PRKCA: variants seen among roughly 807,000 people sequenced by gnomAD.
PRKCA encodes the protein protein kinase C alpha type.
A neutral mutation model predicts 87.0 loss-of-function variants in PRKCA; 27 were observed. The observed-to-expected ratio is 0.31, with a 90% CI of 0.23 to 0.43. The LOEUF is 0.43. Among genes scored for constraint, PRKCA ranks in the 20% least tolerant of loss-of-function variants. PRKCA has a pLI of 1.00. For synonymous variants in PRKCA, 329 were observed against 311.1 expected (o/e 1.06, Z -0.61); for missense variants, 518 against 852.3 (o/e 0.61, Z 4.88).
chr17:66,337,351 A>G (rs1220242555), intron 2 of PRKCA, among the ~76,000 whole-genome samples: 1 of 152,158 alleles, frequency 6.6e-6, no homozygotes, highest in Non-Finnish European at 1.5e-5. Flanking sequence ...TTTTACAAGC[A>G]AGGAAATCAA....
At chr17:66,368,324 ATGTGTGTGTATATATGTG>A (rs1307849953) in intron 2 of PRKCA, among the ~76,000 whole-genome samples, 6 of 107,866 alleles carry the variant, frequency 5.6e-5, no homozygotes, top group Admixed American at 5.0e-4. Context: ...GTTTATCTAT[ATGTGTGTGTATATATGTG>A]TGTGTGTGTG....
chr17:66,562,789 G>T (rs1244592233), intron 3 of PRKCA, among the ~76,000 whole-genome samples: 1 of 152,042 alleles, frequency 6.6e-6, no homozygotes, highest in African/African-American at 2.4e-5. Flanking sequence ...TAGAGACAGG[G>T]TTTCACCATG....
chr17:66,418,649 G>T (rs1912309322), intron 2 of PRKCA, among the ~76,000 whole-genome samples: 1 of 151,914 alleles, frequency 6.6e-6, no homozygotes, highest in Non-Finnish European at 1.5e-5. Context: ...ATTGGCCAGG[G>T]TGGCCTCGAT....
chr17:66,804,948 G>A lies in PRKCA; in HGVS notation c.*911G>A. ...ACACCAACATTTTGCTGCCTACCTT[G>A]TTATCCTTCTCAAGAAGCTGAAGTG... is the stretch of plus-strand genomic sequence containing the variant. On this transcript the variant is annotated 3_prime_UTR_variant, in exon 17 of 17. Transcript: ENST00000413366. 1.0e-6 allele frequency: 1 copy of A among 974,918 alleles called. No homozygotes were observed. Among genetic ancestry groups the A allele is most frequent in the Non-Finnish European group, 1.2e-6 (1 of 820,154 alleles). The allele number at this position is 974,918 out of a possible 1,614,324, so 60.4% of individuals were successfully genotyped here.
chr17:66,576,740 G>A (rs747934376), intron 3 of PRKCA, among the ~76,000 whole-genome samples: 10 of 152,180 alleles, frequency 6.6e-5, no homozygotes, highest in Non-Finnish European at 1.0e-4. Context: ...GCTGTGGCCT[G>A]TTCCTGTCTC....
At chr17:66,405,566 AC>A (rs1337838680) in intron 2 of PRKCA, among the ~76,000 whole-genome samples, 1 of 152,306 alleles carries the variant, frequency 6.6e-6, no homozygotes, top group East Asian at 1.9e-4. Flanking sequence ...AAAAAAACCA[AC>A]CCTTGTGTAA....
At chr17:66,479,436 G>A (rs1387797175) in intron 2 of PRKCA, among the ~76,000 whole-genome samples, 1 of 152,164 alleles carries the variant, frequency 6.6e-6, no homozygotes, top group African/African-American at 2.4e-5. Context: ...CATTGTGCAA[G>A]ACAGTATGGC....
chr17:66,542,875 TA>T (rs1192065593), intron 3 of PRKCA, among the ~76,000 whole-genome samples: 1 of 152,184 alleles, frequency 6.6e-6, no homozygotes, highest in Non-Finnish European at 1.5e-5. Flanking sequence ...GGAACGAGGG[TA>T]ACATTTTAAA....
Position 66,306,122 on chromosome 17 carries a change from GC to G in PRKCA, c.202del (p.Gln68LysfsTer63). On this transcript the variant is annotated frameshift_variant, in exon 2 of 17. Transcript: ENST00000413366. LOFTEE classifies it high-confidence loss of function. ...IWGFGKQGFQ[C>X]QVCCFVVHKR... is the part of the protein sequence containing the mutation. ...GGGTTTGGGAAACAAGGCTTCCAGT[GC>G]CAAGGTAAGCTACCACTTTTGGTTT... The G allele has an allele frequency of 6.2e-7, 1 of 1,611,992 alleles. No individual in the cohort carries two copies. The highest frequency in any genetic ancestry group is 8.5e-7 in the Non-Finnish European group (1 of 1,179,192).
chr17:66,789,477 G>A lies in PRKCA; in HGVS notation c.1854+498G>A, dbSNP rs61615181. On this transcript the variant is annotated intron_variant, in intron 16 of 16. Coordinates refer to ENST00000413366, the MANE Select transcript of PRKCA (RefSeq NM_002737.3). ...CCTCTTCCACCACTGCCTCCACTGC[G>A]GGGAGTGAGTGTCAGCCACCAATTC... Among the ~76,000 whole-genome samples, 46 of 152,342 alleles carry A rather than the reference G, an allele frequency of 3.0e-4. 1 individual carries two copies. In the East Asian group the frequency reaches 7.3e-3, roughly 24 times the overall value.
chr17:66,488,379 T>C (rs1916079645), intron 2 of PRKCA, among the ~76,000 whole-genome samples: 2 of 152,218 alleles, frequency 1.3e-5, no homozygotes, highest in Admixed American at 1.3e-4. Context: ...ATAGCCTTGC[T>C]GACGCCAAGA....
At chr17:66,333,453 G>T (rs536079917) in intron 2 of PRKCA, among the ~76,000 whole-genome samples, 22 of 152,054 alleles carry the variant, frequency 1.4e-4, no homozygotes, top group Non-Finnish European at 2.8e-4. Context: ...ACTTTATTAG[G>T]GGCATCTGCA....
intron 9 of PRKCA, among the ~76,000 whole-genome samples, chr17:66,733,488 G>A (rs1973955806): frequency 6.6e-6 from 1 of 152,188 alleles, no homozygotes; most frequent in African/African-American, 2.4e-5. Flanking sequence ...TGGGGACTTA[G>A]CATTAAAATG....
intron 3 of PRKCA, among the ~76,000 whole-genome samples, chr17:66,614,240 A>C (rs1970457500): frequency 6.6e-6 from 1 of 152,206 alleles, no homozygotes; most frequent in South Asian, 2.1e-4. Context: ...TTTGAGGTAC[A>C]TTTTTAATGA....
In PRKCA at chr17:66,557,433, C is replaced by T. The variant is rs774644877; in HGVS notation, c.288+61150C>T. 6.7e-5 allele frequency among the ~76,000 whole-genome samples: 10 copies of T among 148,732 alleles called. 1 individual carries two copies. The highest frequency in any genetic ancestry group is 8.9e-5 in the Non-Finnish European group (6 of 67,452). On this transcript the variant is annotated intron_variant, in intron 3 of 16. Coordinates refer to ENST00000413366, the MANE Select transcript of PRKCA (RefSeq NM_002737.3). ...CCCACAGTTGCTCTTTGAATGGGTG[C>T]GAAACCTGTGCAAAAAAAAAAAAAG...
intron 2 of PRKCA, among the ~76,000 whole-genome samples, chr17:66,429,963 G>A (rs1241512664): frequency 1.3e-5 from 2 of 152,098 alleles, no homozygotes; most frequent in East Asian, 3.9e-4. Flanking sequence ...CATCTCTGTG[G>A]TCTGTGTGAT....
intron 3 of PRKCA, among the ~76,000 whole-genome samples, chr17:66,558,833 G>C: frequency 6.6e-6 from 1 of 152,172 alleles, no homozygotes; most frequent in East Asian, 1.9e-4. Context: ...AGGTCTGCAT[G>C]GAGGTTCGGC....
At chr17:66,651,890 T>C (rs560149887) in intron 5 of PRKCA, among the ~76,000 whole-genome samples, 2 of 152,348 alleles carry the variant, frequency 1.3e-5, no homozygotes, top group South Asian at 4.1e-4. Context: ...GGAATCTGGA[T>C]GTCATACTTG....
chr17:66,405,032 G>A (rs1911282012), intron 2 of PRKCA, among the ~76,000 whole-genome samples: 1 of 152,052 alleles, frequency 6.6e-6, no homozygotes, highest in Non-Finnish European at 1.5e-5. Context: ...TTACAGGTGT[G>A]AGCCACTGCG....
Sources: allele counts gnomAD v4.1 joint callset (sites outside exome capture counted in the v4.1 genomes callset), GRCh38; gene constraint gnomAD v4.1.1; transcripts MANE v1.5; gene names NCBI Gene and HGNC (gene_info 2026-07-23, HGNC 2026-07-21).